The following BRDT variants were observed in gnomAD, a reference collection of about 807,000 sequenced individuals.
BRDT encodes the protein bromodomain testis associated.
BRDT carries 77 observed loss-of-function variants against 113.9 expected under a neutral mutation model. That is an observed-to-expected ratio of 0.68 (90% confidence interval 0.56 to 0.82). BRDT has a LOEUF of 0.82. Ranked by LOEUF, BRDT falls within the 40% of genes least tolerant of loss-of-function variation. BRDT has a pLI of 0.00. For synonymous variants in BRDT, 358 were observed against 366.5 expected (o/e 0.98, Z 0.26); for missense variants, 1,027 against 1,105.4 (o/e 0.93, Z 1.01).
At chr1:91,973,169 A>G (rs1683788345) in intron 4 of BRDT, among the ~76,000 whole-genome samples, 1 of 152,222 alleles carries the variant, frequency 6.6e-6, no homozygotes, top group Non-Finnish European at 1.5e-5. Context: ...GAGTGAGGTA[A>G]GGGCAGAGGG....
intron 1 of BRDT, among the ~76,000 whole-genome samples, chr1:91,955,826 G>C (rs1305195017): frequency 6.6e-6 from 1 of 152,286 alleles, no homozygotes; most frequent in East Asian, 1.9e-4. Flanking sequence ...AAGATAATCA[G>C]ATTATCAAAT....
At chr1:91,969,502 C>T (rs951957351) in intron 4 of BRDT, among the ~76,000 whole-genome samples, 48 of 151,994 alleles carry the variant, frequency 3.2e-4, no homozygotes, top group African/African-American at 1.1e-3. Context: ...AAAGGTTGAT[C>T]TAATGTCTGA....
intron 15 of BRDT, among the ~76,000 whole-genome samples, chr1:91,997,029 C>T (rs909645408): frequency 6.6e-6 from 1 of 151,478 alleles, no homozygotes; most frequent in Non-Finnish European, 1.5e-5. Context: ...AAAACCTCCT[C>T]AGTAAAAGTA....
At chr1:91,996,395 T>G (rs1438359415) in intron 15 of BRDT, among the ~76,000 whole-genome samples, 1 of 152,156 alleles carries the variant, frequency 6.6e-6, no homozygotes, top group Non-Finnish European at 1.5e-5. Flanking sequence ...ATTACAGGCA[T>G]GCACCACCAT....
chr1:91,999,937 G>C (rs549216898), intron 15 of BRDT, among the ~76,000 whole-genome samples: 19 of 152,102 alleles, frequency 1.2e-4, no homozygotes, highest in Admixed American at 5.9e-4. Flanking sequence ...GTACAGTGGC[G>C]CAAATATGGC....
At chr1:92,004,688 T>C (rs1160646964) in intron 17 of BRDT, 69 bp downstream of exon 17, 1 of 1,356,724 alleles carries the variant, frequency 7.4e-7, no homozygotes, top group Non-Finnish European at 9.9e-7. Flanking sequence ...ATTAAATTTC[T>C]TATTTGTTAA....
At chr1:92,005,678 T>C (rs1218650738) in intron 18 of BRDT, among the ~76,000 whole-genome samples, 1 of 152,184 alleles carries the variant, frequency 6.6e-6, no homozygotes, top group African/African-American at 2.4e-5. Context: ...GCCTATTTAC[T>C]AGACTCTTAG....
At position 92,014,226 on chromosome 1, in the gene BRDT, G is replaced by A. The variant is rs1483126628; in HGVS notation, c.2796G>A (p.Met932Ile). ...TACAGATGGTGGGTACCATTGATAT[G>A]ACCCTTCAAAGTGACATTATGACAA... ...RREAMVGTID[M>I]TLQSDIMTMF... The change falls in exon 19 of 19, where the codon ATG (methionine) becomes ATA (isoleucine). Residue 932 changes from methionine (M) to isoleucine (I), a missense_variant. By Grantham distance (10) the Met-to-Ile change is conservative. Coordinates refer to ENST00000399546, the MANE Select transcript of BRDT (RefSeq NM_207189.4). The A allele has an allele frequency of 6.3e-7, 1 of 1,589,074 alleles. No individual in the cohort carries two copies. Among genetic ancestry groups the A allele is most frequent in the Admixed American group, 1.9e-5 (1 of 53,860 alleles).
chr1:91,969,809 T>TTGTG (rs759081138), intron 4 of BRDT, among the ~76,000 whole-genome samples: 9 of 146,780 alleles, frequency 6.1e-5, no homozygotes, highest in African/African-American at 2.3e-4. Context: ...TTTTTTGTTT[T>TTGTG]TGTGTGTGTG....
At chr1:91,951,479 G>T (rs561769916) in intron 1 of BRDT, among the ~76,000 whole-genome samples, 3 of 152,034 alleles carry the variant, frequency 2.0e-5, no homozygotes, top group South Asian at 4.2e-4. Flanking sequence ...TGGCGGGGGG[G>T]CGTGTATAGA....
At chr1:92,006,095 C>T (rs960090880) in intron 18 of BRDT, among the ~76,000 whole-genome samples, 3 of 152,194 alleles carry the variant, frequency 2.0e-5, no homozygotes, top group Non-Finnish European at 2.9e-5. Context: ...TGGTCGTACA[C>T]ATATCTGACT....
chr1:91,979,029 A>C lies in BRDT; in HGVS notation c.1099-540A>C, dbSNP rs1453077750. On this transcript the variant is annotated intron_variant, in intron 7 of 18. Coordinates refer to ENST00000399546, the MANE Select transcript of BRDT (RefSeq NM_207189.4). ...AAAAAAAAAACAACAACAACAACAA[A>C]AAAAACCCTATATTACTTGAGAGGT... Among the ~76,000 whole-genome samples, 32 of 140,480 alleles carry C rather than the reference A, an allele frequency of 2.3e-4. No individual in the cohort carries two copies. In the East Asian group the frequency reaches 4.8e-3, roughly 21 times the overall value. The allele number at this position is 140,480 out of a possible 152,430, so 92.2% of individuals were successfully genotyped here. A position where few individuals can be genotyped will look rare whatever the true frequency, so the allele number is the denominator to read the frequency against.
chr1:91,983,861 T>C (rs1400866405), intron 12 of BRDT, among the ~76,000 whole-genome samples: 2 of 152,098 alleles, frequency 1.3e-5, no homozygotes, highest in Admixed American at 1.3e-4. Context: ...TTTGTATTTT[T>C]AGTAGAGATG....
chr1:91,968,357 G>C, intron 4 of BRDT, 97 bp downstream of exon 4: 1 of 1,467,852 alleles, frequency 6.8e-7, no homozygotes, highest in Non-Finnish European at 9.1e-7. Flanking sequence ...CAGACATCCA[G>C]AAGTCCTACA....
Position 91,979,564 on chromosome 1 carries a change from T to G in BRDT, c.1099-5T>G. The G allele has an allele frequency of 6.2e-7, 1 of 1,604,504 alleles. No homozygotes were observed. Among genetic ancestry groups the G allele is most frequent in the Non-Finnish European group, 8.5e-7 (1 of 1,177,886 alleles). Reference sequence around the variant, plus strand: ...AAACCATAACAAACTAATTTTTCATTACAGGATGTTTTCGAAACGCATTTT... The same window carrying G: ...AAACCATAACAAACTAATTTTTCATGACAGGATGTTTTCGAAACGCATTTT... On this transcript the variant is annotated splice_polypyrimidine_tract_variant and splice_region_variant and intron_variant, in intron 7 of 18. Coordinates refer to ENST00000399546, the MANE Select transcript of BRDT (RefSeq NM_207189.4).
intron 2 of BRDT, among the ~76,000 whole-genome samples, chr1:91,963,230 G>A (rs1426911527): frequency 6.6e-6 from 1 of 152,182 alleles, no homozygotes; most frequent in African/African-American, 2.4e-5. Context: ...GGCTGAGCAG[G>A]AGAATCTCTT....
chr1:91,980,274 C>CA (rs1684589354), intron 8 of BRDT, among the ~76,000 whole-genome samples: 1 of 152,098 alleles, frequency 6.6e-6, no homozygotes, highest in Non-Finnish European at 1.5e-5. Context: ...GCAGGAGGAT[C>CA]ACTTGAGCTT....
intron 15 of BRDT, among the ~76,000 whole-genome samples, chr1:92,001,724 G>C (rs551226845): frequency 6.6e-5 from 10 of 151,798 alleles, no homozygotes; most frequent in African/African-American, 2.4e-4. Context: ...CACCTCTGGA[G>C]CTGAGGTCAG....
intron 12 of BRDT, among the ~76,000 whole-genome samples, chr1:91,986,777 CCAA>C (rs1685281274): frequency 6.6e-6 from 1 of 151,852 alleles, no homozygotes; most frequent in Admixed American, 6.6e-5. Flanking sequence ...GGTTTGGAAA[CCAA>C]CAAACTTTGT....
Sources: allele counts gnomAD v4.1 joint callset (sites outside exome capture counted in the v4.1 genomes callset), GRCh38; gene constraint gnomAD v4.1.1; transcripts MANE v1.5; gene names NCBI Gene and HGNC (gene_info 2026-07-23, HGNC 2026-07-21).